Variants in SLC9C1 observed in about 807,000 individuals in gnomAD.
The protein encoded by SLC9C1 is solute carrier family 9 member C1.
A neutral mutation model predicts 140.9 loss-of-function variants in SLC9C1; 97 were observed. The ratio of observed to expected loss-of-function variants is 0.69; its 90% CI spans 0.58 to 0.82. The LOEUF (loss-of-function observed/expected upper bound fraction) is 0.82, where lower values mean the gene tolerates loss of function less well. Ranked by LOEUF, SLC9C1 falls within the 40% of genes least tolerant of loss-of-function variation. The pLI, the probability that SLC9C1 is intolerant of heterozygous loss-of-function variation, is 0.00. For synonymous variants in SLC9C1, 440 were observed against 442.6 expected (o/e 0.99, Z 0.07); for missense variants, 1,340 against 1,389.3 (o/e 0.96, Z 0.56).
intron 15 of SLC9C1, among the ~76,000 whole-genome samples, chr3:112,215,192 A>G (rs1400738369): frequency 3.3e-5 from 5 of 151,158 alleles, no homozygotes; most frequent in Admixed American, 2.6e-4. Context: ...TAAATTAGGT[A>G]TTGATGGGAC....
At chr3:112,262,629 T>C (rs2079806260) in intron 10 of SLC9C1, among the ~76,000 whole-genome samples, 1 of 151,962 alleles carries the variant, frequency 6.6e-6, no homozygotes, top group African/African-American at 2.4e-5. Context: ...ATAAGAAAGT[T>C]TTCACTTCTC....
In SLC9C1 at chr3:112,144,220, C is replaced by T. The variant is rs147867294; in HGVS notation, c.3525-2939G>A. On this transcript the variant is annotated intron_variant, in intron 28 of 28. Coordinates refer to ENST00000305815, the MANE Select transcript of SLC9C1 (RefSeq NM_183061.3). ...TGAGACAGAGTCTCGCACTGTCGCCCGGGCTGGAGTGCAATGGTGTGATCT... is the reference window on the plus strand; with the variant it reads ...TGAGACAGAGTCTCGCACTGTCGCCTGGGCTGGAGTGCAATGGTGTGATCT... Among the ~76,000 whole-genome samples the T allele has an allele frequency of 6.9e-3, 1,006 of 145,278 alleles. 15 individuals are homozygous for T. Among genetic ancestry groups the T allele is most frequent in the African/African-American group, 0.023 (915 of 38,938 alleles).
intron 14 of SLC9C1, 93 bp from the exon 15 acceptor site, chr3:112,217,654 T>C (rs1371863775): frequency 1.7e-6 from 2 of 1,162,358 alleles, no homozygotes; most frequent in Admixed American, 5.9e-5. Context: ...ATAAGTTTAA[T>C]TTTGCACAAA....
At chr3:112,142,056 T>C (rs1401811673) in intron 28 of SLC9C1, among the ~76,000 whole-genome samples, 1 of 152,180 alleles carries the variant, frequency 6.6e-6, no homozygotes, top group Non-Finnish European at 1.5e-5. Flanking sequence ...TTGTACACAT[T>C]TACTGTAAGA....
chr3:112,147,749 T>C (rs1220309529), intron 28 of SLC9C1, among the ~76,000 whole-genome samples: 1 of 152,168 alleles, frequency 6.6e-6, no homozygotes, highest in East Asian at 1.9e-4. Context: ...CTGGTGACTA[T>C]ATGTGTTGGG....
At chr3:112,195,194 A>G (rs906657653) in intron 20 of SLC9C1, among the ~76,000 whole-genome samples, 1 of 152,134 alleles carries the variant, frequency 6.6e-6, no homozygotes, top group African/African-American at 2.4e-5. Context: ...CCAAGTAATC[A>G]TTGTCAAATC....
intron 21 of SLC9C1, 102 bp downstream of exon 21, chr3:112,182,031 T>G: frequency 1.0e-6 from 1 of 964,972 alleles, no homozygotes; most frequent in Non-Finnish European, 1.4e-6. Context: ...ATAAGGAACA[T>G]TTAGAGAATA....
chr3:112,202,219 A>T (rs1389169284), intron 18 of SLC9C1, 31 bp downstream of exon 18: 1 of 1,606,246 alleles, frequency 6.2e-7, no homozygotes, highest in Non-Finnish European at 8.5e-7. Context: ...GGCTGAGTGA[A>T]CTCTTTTCTT....
At chr3:112,276,079 A>G (rs2080206367) in intron 5 of SLC9C1, among the ~76,000 whole-genome samples, 1 of 152,124 alleles carries the variant, frequency 6.6e-6, no homozygotes. Flanking sequence ...TAGTGAACCT[A>G]GCAAGATCAG....
rs146897405 is a variant in SLC9C1, at chr3:112,277,717, G to T, written c.462C>A (p.Thr154=). ...AILVSSDPML[T]AAAIRDLGLS... is the part of the protein sequence containing the mutation. ...TACCAAGGTCTCTTATAGCAGCTGCGGTTAGCATGGGATCTGAACTCACAA... is the reference window on the plus strand; with the variant it reads ...TACCAAGGTCTCTTATAGCAGCTGCTGTTAGCATGGGATCTGAACTCACAA... Residue 154 remains threonine, a synonymous_variant, in exon 5 of 29, where the codon ACC becomes ACA. Transcript: ENST00000305815. 3 of 1,595,750 alleles carry T rather than the reference G, an allele frequency of 1.9e-6. No individual in the cohort carries two copies. The highest frequency in any genetic ancestry group is 2.3e-5 in the South Asian group (2 of 86,544).
intron 23 of SLC9C1, among the ~76,000 whole-genome samples, chr3:112,170,116 G>T (rs2077218678): frequency 6.6e-6 from 1 of 151,970 alleles, no homozygotes; most frequent in Non-Finnish European, 1.5e-5. Flanking sequence ...CAAAAGCACA[G>T]GCAACAAGAA....
chr3:112,228,999 T>C (rs137894468), intron 13 of SLC9C1, among the ~76,000 whole-genome samples: 21 of 152,186 alleles, frequency 1.4e-4, no homozygotes, highest in Non-Finnish European at 2.9e-4. Flanking sequence ...GCCATAAAAA[T>C]GAATAAAATG....
Position 112,239,936 on chromosome 3 carries a change from G to C in SLC9C1, c.1350C>G (p.Thr450=), listed in dbSNP as rs898752329. 1 of 1,613,934 alleles carries C rather than the reference G, an allele frequency of 6.2e-7. No homozygotes were observed. The highest frequency in any genetic ancestry group is 8.5e-7 in the Non-Finnish European group (1 of 1,179,930). ...ATTTAAGGGCAGAGGCTGCAGACTT[G>C]GTTAGCTCTTGAAAGTGTTGAAATG... is the stretch of plus-strand genomic sequence containing the variant. ...CCTFQHFQEL[T]KSAASALKFD... Residue 450 remains threonine, a synonymous_variant, in exon 12 of 29, where the codon ACC becomes ACG. Transcript: ENST00000305815.
rs182226638 is a variant in SLC9C1 at position 112,238,076 on chromosome 3, C to T, written c.1446+1764G>A. On this transcript the variant is annotated intron_variant, in intron 12 of 28. Transcript: ENST00000305815. ...TTTTCCAACTTGGTTCCATTCTCCT[C>T]GTCACTTTCAGGTATACCAATCAGA... 3.2e-4 allele frequency among the ~76,000 whole-genome samples: 48 copies of T among 152,314 alleles called. No homozygotes were observed. In the East Asian group the frequency reaches 5.6e-3, roughly 18 times the overall value.
intron 6 of SLC9C1, among the ~76,000 whole-genome samples, chr3:112,272,016 C>A (rs554793945): frequency 1.3e-5 from 2 of 152,264 alleles, no homozygotes; most frequent in South Asian, 4.1e-4. Context: ...TTGCTTTCCA[C>A]AGAGCAATGT....
At chr3:112,211,813 C>T (rs772981966) in intron 15 of SLC9C1, among the ~76,000 whole-genome samples, 12 of 152,218 alleles carry the variant, frequency 7.9e-5, no homozygotes, top group Non-Finnish European at 1.6e-4. Context: ...CAGCAGAAAC[C>T]TCTGCAGACT....
At chr3:112,218,282 T>TA (rs1474922415) in intron 14 of SLC9C1, among the ~76,000 whole-genome samples, 2 of 152,004 alleles carry the variant, frequency 1.3e-5, no homozygotes, top group African/African-American at 4.8e-5. Flanking sequence ...GCTGACCAGA[T>TA]ACTTTCATCG....
At chr3:112,182,106 A>G in intron 21 of SLC9C1, 27 bp downstream of exon 21, 8 of 1,398,136 alleles carry the variant, frequency 5.7e-6, no homozygotes, top group Non-Finnish European at 7.7e-6. Context: ...CATTAAAAAT[A>G]TTATTAATAG....
At chr3:112,175,779 C>T (rs1285705950) in intron 23 of SLC9C1, among the ~76,000 whole-genome samples, 1 of 152,210 alleles carries the variant, frequency 6.6e-6, no homozygotes, top group African/African-American at 2.4e-5. Flanking sequence ...TCCCTCATTG[C>T]CACCGATTTG....
Sources: gnomAD v4.1 joint callset for allele counts (sites outside exome capture counted in the v4.1 genomes callset) on GRCh38, gnomAD v4.1.1 for gene constraint, MANE v1.5 for transcripts, NCBI Gene and HGNC (gene_info 2026-07-23, HGNC 2026-07-21) for gene names.